The following TJP1 variants were observed in gnomAD, a reference collection of about 807,000 sequenced individuals.
TJP1 encodes the protein tight junction protein 1, also known as tight junction protein ZO-1.
TJP1 carries 43 observed loss-of-function variants against 194.2 expected under a neutral mutation model. The ratio of observed to expected loss-of-function variants is 0.22; its 90% CI spans 0.17 to 0.29. The LOEUF (loss-of-function observed/expected upper bound fraction) is 0.29. Ranked by LOEUF, TJP1 falls within the 10% of genes least tolerant of loss-of-function variation. TJP1 has a pLI of 1.00. For synonymous variants in TJP1, 801 were observed against 779.0 expected (o/e 1.03, Z -0.47); for missense variants, 1,971 against 2,185.7 (o/e 0.90, Z 1.96).
chr15:29,869,328 G>C (rs1301539705), intron 2 of TJP1, among the ~76,000 whole-genome samples: 1 of 152,150 alleles, frequency 6.6e-6, no homozygotes, highest in African/African-American at 2.4e-5. Context: ...TTAATTTAGA[G>C]AGATACTGTT....
chr15:29,889,583 G>A (rs894373361), intron 2 of TJP1, among the ~76,000 whole-genome samples: 5 of 152,192 alleles, frequency 3.3e-5, no homozygotes, highest in African/African-American at 1.2e-4. Flanking sequence ...AACTACAACA[G>A]TTCTTTTGGA....
chr15:29,782,242 C>T (rs1330584551), intron 2 of TJP1, among the ~76,000 whole-genome samples: 1 of 152,096 alleles, frequency 6.6e-6, no homozygotes, highest in Non-Finnish European at 1.5e-5. Flanking sequence ...AAAGCCAAGA[C>T]AATCCTAAGC....
intron 8 of TJP1, among the ~76,000 whole-genome samples, chr15:29,757,740 T>C (rs2045736972): frequency 6.6e-6 from 1 of 152,206 alleles, no homozygotes; most frequent in Non-Finnish European, 1.5e-5. Context: ...TTTTATACAC[T>C]ATACTTTCTA....
intron 2 of TJP1, among the ~76,000 whole-genome samples, chr15:29,909,311 C>T (rs925497979): frequency 2.9e-4 from 40 of 140,068 alleles, no homozygotes; most frequent in African/African-American, 1.1e-3. Context: ...GCACTCCAGC[C>T]TGGGCGACAG....
At chr15:29,807,578 T>TA (rs1478191751) in intron 1 of TJP1, among the ~76,000 whole-genome samples, 2 of 152,106 alleles carry the variant, frequency 1.3e-5, no homozygotes, top group Non-Finnish European at 2.9e-5. Flanking sequence ...CTCTCTTTCT[T>TA]AGACCACAGT....
intron 2 of TJP1, among the ~76,000 whole-genome samples, chr15:29,794,403 C>A (rs2048280800): frequency 2.6e-5 from 4 of 152,120 alleles, no homozygotes; most frequent in Non-Finnish European, 5.9e-5. Context: ...AAAAAAATAA[C>A]TGAGGCACAG....
chr15:29,813,069 T>C (rs1264354211), intron 1 of TJP1, among the ~76,000 whole-genome samples: 1 of 152,140 alleles, frequency 6.6e-6, no homozygotes, highest in Non-Finnish European at 1.5e-5. Flanking sequence ...CTTCCACAAT[T>C]ATATTTTGAA....
intron 8 of TJP1, among the ~76,000 whole-genome samples, chr15:29,754,582 A>C (rs1370156156): frequency 6.6e-6 from 1 of 152,236 alleles, no homozygotes; most frequent in Non-Finnish European, 1.5e-5. Context: ...ATAGAAAAAA[A>C]AATGCTCATC....
rs377074763 is a variant in TJP1, at chr15:29,719,814, T to C, written c.2966A>G (p.Gln989Arg). The C allele has an allele frequency of 5.5e-5, 88 of 1,614,054 alleles. No individual in the cohort carries two copies. The highest frequency in any genetic ancestry group is 7.3e-5 in the Non-Finnish European group (86 of 1,180,016). ...TACATGCGACGACAATGATGGTTCT[T>C]GATCTCTTAGCATTATGTGAGCTGC... Reference protein sequence around the residue: ...TEAAHIMLRDQEPSLSSHVDP... With the variant: ...TEAAHIMLRDREPSLSSHVDP... The change falls in exon 20 of 28, where the codon CAA (glutamine) becomes CGA (arginine). Residue 989 changes from glutamine to arginine, a missense_variant. Gln to Arg is a conservative substitution (Grantham distance 43). Transcript: ENST00000614355.
intron 2 of TJP1, among the ~76,000 whole-genome samples, chr15:29,847,556 T>C (rs955317439): frequency 2.4e-4 from 37 of 152,104 alleles, no homozygotes; most frequent in African/African-American, 7.9e-4. Flanking sequence ...GAGGCTGAGG[T>C]GGGCGGATCA....
At chr15:29,896,030 G>A (rs183422155) in intron 2 of TJP1, among the ~76,000 whole-genome samples, 17 of 152,162 alleles carry the variant, frequency 1.1e-4, no homozygotes, top group East Asian at 5.8e-4. Context: ...CATTTGTTAC[G>A]GCTCCACTCA....
chr15:29,776,248 A>C (rs2047007371), intron 2 of TJP1, among the ~76,000 whole-genome samples: 1 of 152,202 alleles, frequency 6.6e-6, no homozygotes, highest in Admixed American at 6.5e-5. Flanking sequence ...GGCATAATAT[A>C]TCCTATTAAT....
intron 2 of TJP1, among the ~76,000 whole-genome samples, chr15:29,844,860 G>A (rs1312203000): frequency 6.6e-6 from 1 of 152,174 alleles, no homozygotes; most frequent in Non-Finnish European, 1.5e-5. Flanking sequence ...GGAGGGGCTA[G>A]CTCACAAAGC....
intron 2 of TJP1, among the ~76,000 whole-genome samples, chr15:29,909,416 G>A (rs2053946614): frequency 6.6e-6 from 1 of 150,730 alleles, no homozygotes; most frequent in Non-Finnish European, 1.5e-5. Flanking sequence ...GTCTGCATAT[G>A]ACACCAGAGA....
chr15:29,812,672 T>C (rs1044546305), intron 1 of TJP1, among the ~76,000 whole-genome samples: 3 of 152,210 alleles, frequency 2.0e-5, no homozygotes, highest in African/African-American at 4.8e-5. Flanking sequence ...AACATGTAAG[T>C]AGATGTATGA....
At chr15:29,905,306 A>G (rs1039015626) in intron 2 of TJP1, among the ~76,000 whole-genome samples, 8 of 152,250 alleles carry the variant, frequency 5.3e-5, no homozygotes, top group Non-Finnish European at 1.2e-4. Flanking sequence ...TAAGGAGATA[A>G]TTAGAAACAT....
At chr15:29,709,911 C>T (rs376198175) in intron 24 of TJP1, among the ~76,000 whole-genome samples, 53 of 152,148 alleles carry the variant, frequency 3.5e-4, no homozygotes, top group African/African-American at 1.1e-3. Flanking sequence ...CTTGAGAGGC[C>T]GAGGTGGGCG....
At position 29,705,761 on chromosome 15, in the gene TJP1, T is replaced by C. The variant is rs768651799; in HGVS notation, c.4851-16A>G. 3.7e-6 allele frequency: 6 copies of C among 1,612,254 alleles called. No homozygotes were observed. The East Asian group carries it at 8.9e-5, about 24-fold the overall frequency. ...AGCTGAAGGACTGAAAGTTCAGAAA[T>C]GGCTAGTGAGTGAATTCCTAATAAT... On this transcript the variant is annotated splice_polypyrimidine_tract_variant and intron_variant, in intron 25 of 27. Coordinates refer to ENST00000614355, the MANE Select transcript of TJP1 (RefSeq NM_001330239.4).
chr15:29,821,091 C>T (rs1247272297), intron 1 of TJP1, among the ~76,000 whole-genome samples: 1 of 152,088 alleles, frequency 6.6e-6, no homozygotes, highest in South Asian at 2.1e-4. Flanking sequence ...TTTCTGTATT[C>T]CTTTGTTTGA....
Sources: gnomAD v4.1 joint callset for allele counts (sites outside exome capture counted in the v4.1 genomes callset) on GRCh38, gnomAD v4.1.1 for gene constraint, MANE v1.5 for transcripts, NCBI Gene and HGNC (gene_info 2026-07-23, HGNC 2026-07-21) for gene names.